DLC1: variants seen among roughly 807,000 people sequenced by gnomAD.
DLC1 encodes DLC1 Rho GTPase activating protein, also known as rho GTPase-activating protein 7.
In DLC1, 54 loss-of-function variants were observed where a neutral mutation model predicts 140.3. The ratio of observed to expected loss-of-function variants is 0.38; its 90% CI spans 0.31 to 0.48. The LOEUF (loss-of-function observed/expected upper bound fraction) is 0.48, where lower values mean the gene tolerates loss of function less well. DLC1 is among the 20% of genes least tolerant of loss of function. The pLI is 0.96. For synonymous variants in DLC1, 986 were observed against 728.1 expected, an observed-to-expected ratio of 1.35 and a Z score of -5.70; for missense variants, 2,536 against 1,907.0, an observed-to-expected ratio of 1.33 and a Z score of -6.14.
chr8:13,572,178 C>G (rs982418511), intron 1 of DLC1, among the ~76,000 whole-genome samples: 1 of 151,630 alleles, frequency 6.6e-6, no homozygotes, highest in Non-Finnish European at 1.5e-5. Flanking sequence ...CAAGCTCCAC[C>G]TCCCGGGTTC....
At chr8:13,120,738 A>C (rs1820994019) in intron 5 of DLC1, among the ~76,000 whole-genome samples, 1 of 152,198 alleles carries the variant, frequency 6.6e-6, no homozygotes, top group Non-Finnish European at 1.5e-5. Flanking sequence ...AGCTTTAGTC[A>C]AAGTCATTTC....
At chr8:13,536,154 C>T (rs1221753302) in intron 1 of DLC1, 1 of 152,104 alleles carries the variant, frequency 6.6e-6, no homozygotes, top group East Asian at 1.9e-4. Flanking sequence ...ATACTGATGA[C>T]AACAAGCTAA....
chr8:13,180,287 G>A (rs1326809288), intron 5 of DLC1, among the ~76,000 whole-genome samples: 2 of 152,112 alleles, frequency 1.3e-5, no homozygotes, highest in Non-Finnish European at 2.9e-5. Flanking sequence ...AGTTGTATAT[G>A]TATCTCTCTT....
intron 4 of DLC1, among the ~76,000 whole-genome samples, chr8:13,328,629 T>C (rs543926844): frequency 1.3e-5 from 2 of 152,234 alleles, no homozygotes; most frequent in African/African-American, 2.4e-5. Flanking sequence ...GGCTGAAATA[T>C]AAGTTTGAGG....
intron 1 of DLC1, among the ~76,000 whole-genome samples, chr8:13,520,104 C>G (rs1380977188): frequency 6.6e-6 from 1 of 152,170 alleles, no homozygotes; most frequent in East Asian, 1.9e-4. Flanking sequence ...ACCATTTGAC[C>G]CTGCAATCCC....
At chr8:13,190,026 A>T (rs562588443) in intron 5 of DLC1, among the ~76,000 whole-genome samples, 103 of 152,272 alleles carry the variant, frequency 6.8e-4, no homozygotes, top group African/African-American at 2.5e-3. Flanking sequence ...GTAATTTAAA[A>T]TTTTCCAGTA....
At chr8:13,116,497 G>A (rs764554671) in intron 5 of DLC1, among the ~76,000 whole-genome samples, 5 of 152,118 alleles carry the variant, frequency 3.3e-5, no homozygotes, top group Non-Finnish European at 5.9e-5. Flanking sequence ...CTCAGGCCAT[G>A]AGAGTACTCA....
chr8:13,569,466 T>C (rs1404635110), intron 1 of DLC1, among the ~76,000 whole-genome samples: 1 of 152,210 alleles, frequency 6.6e-6, no homozygotes, highest in African/African-American at 2.4e-5. Flanking sequence ...GAAATCCATA[T>C]TATGTCATGC....
intron 1 of DLC1, among the ~76,000 whole-genome samples, chr8:13,538,909 A>C (rs1250290536): frequency 6.6e-6 from 1 of 152,168 alleles, no homozygotes; most frequent in African/African-American, 2.4e-5. Flanking sequence ...TTTTCCCTAT[A>C]AAAGTTCATC....
At chr8:13,456,724 G>T (rs926933282) in intron 2 of DLC1, among the ~76,000 whole-genome samples, 1 of 152,182 alleles carries the variant, frequency 6.6e-6, no homozygotes, top group African/African-American at 2.4e-5. Context: ...TTCCCAAAGT[G>T]CTGGGATTAC....
intron 5 of DLC1, among the ~76,000 whole-genome samples, chr8:13,274,965 T>A (rs1327319238): frequency 6.6e-6 from 1 of 152,216 alleles, no homozygotes; most frequent in Non-Finnish European, 1.5e-5. Context: ...GCAAATGAGA[T>A]CATACACCTT....
At chr8:13,399,279 A>C (rs932663733) in intron 3 of DLC1, among the ~76,000 whole-genome samples, 1 of 152,198 alleles carries the variant, frequency 6.6e-6, no homozygotes, top group Admixed American at 6.5e-5. Context: ...ATCTCATTGT[A>C]AAGAAAAAAC....
chr8:13,292,579 G>C (rs910046974), intron 5 of DLC1, among the ~76,000 whole-genome samples: 5 of 152,120 alleles, frequency 3.3e-5, no homozygotes, highest in Non-Finnish European at 7.4e-5. Context: ...GGACGCTATT[G>C]TGTTCATCAT....
intron 6 of DLC1, among the ~76,000 whole-genome samples, chr8:13,114,768 G>A (rs1221205387): frequency 6.6e-6 from 1 of 152,182 alleles, no homozygotes; most frequent in African/African-American, 2.4e-5. Flanking sequence ...TCATTACCAT[G>A]AAGGATTAGG....
intron 1 of DLC1, among the ~76,000 whole-genome samples, chr8:13,532,747 G>T (rs1803141840): frequency 6.6e-6 from 1 of 152,204 alleles, no homozygotes; most frequent in African/African-American, 2.4e-5. Flanking sequence ...GAGCCACCAG[G>T]CTAAAGCACA....
intron 1 of DLC1, among the ~76,000 whole-genome samples, chr8:13,521,685 C>G (rs1208338660): frequency 6.6e-6 from 1 of 152,120 alleles, no homozygotes; most frequent in African/African-American, 2.4e-5. Context: ...ACATTCTCAG[C>G]CCACCATTTG....
intron 10 of DLC1, 88 bp from the exon 11 acceptor site, chr8:13,095,333 G>A (rs1437447245): frequency 5.9e-6 from 9 of 1,537,586 alleles, no homozygotes; most frequent in African/African-American, 2.7e-5. Flanking sequence ...CAAACCCTGT[G>A]GGCTCCAGAT....
At chr8:13,280,069 G>C (rs1831311590) in intron 5 of DLC1, among the ~76,000 whole-genome samples, 1 of 151,360 alleles carries the variant, frequency 6.6e-6, no homozygotes, top group Admixed American at 6.6e-5. Context: ...CATGAGGTCG[G>C]GAGATCGAGA....
intron 5 of DLC1, among the ~76,000 whole-genome samples, chr8:13,221,369 C>CTTTTTT (rs113799968): frequency 1.4e-5 from 2 of 141,422 alleles, no homozygotes; most frequent in Non-Finnish European, 3.1e-5. Context: ...GTTTTCTTTT[C>CTTTTTT]TTTTTTTTTT....
Sources: gnomAD v4.1 joint callset for allele counts (sites outside exome capture counted in the v4.1 genomes callset) on GRCh38, gnomAD v4.1.1 for gene constraint, MANE v1.5 for transcripts, NCBI Gene and HGNC (gene_info 2026-07-23, HGNC 2026-07-21) for gene names.